The following CALN1 variants were observed in gnomAD, a reference collection of about 807,000 sequenced individuals.
CALN1 encodes calcium-binding protein 8.
In CALN1, 17 loss-of-function variants were observed where a neutral mutation model predicts 30.6. That is an observed-to-expected ratio of 0.56 (90% CI 0.38 to 0.83). The LOEUF (loss-of-function observed/expected upper bound fraction) is 0.83. CALN1 is among the 40% of genes least tolerant of loss of function. The probability of loss-of-function intolerance (pLI) is 0.00; values close to 1 mark genes in which losing one functional copy is unlikely to be tolerated. For synonymous variants in CALN1, 156 were observed against 131.4 expected (o/e 1.19, Z -1.28); for missense variants, 291 against 354.9 (o/e 0.82, Z 1.45).
chr7:71,805,312 T>G lies in CALN1; in HGVS notation c.658+5024A>C, dbSNP rs561512327. 7.9e-5 allele frequency among the ~76,000 whole-genome samples: 12 copies of G among 151,820 alleles called. No individual in the cohort carries two copies. In the South Asian group the frequency reaches 2.5e-3, roughly 32 times the overall value. On this transcript the variant is annotated intron_variant, in intron 6 of 6. Coordinates refer to ENST00000395275, the MANE Select transcript of CALN1 (RefSeq NM_031468.4). Reference sequence around the variant, plus strand: ...GAAAGAAATTCCTAGGGATGAGGGGTGGGTTAGCAAGAGTAGAGAAGACCT... The same window carrying G: ...GAAAGAAATTCCTAGGGATGAGGGGGGGGTTAGCAAGAGTAGAGAAGACCT...
intron 5 of CALN1, among the ~76,000 whole-genome samples, chr7:71,980,593 A>C (rs1174719216): frequency 6.6e-6 from 1 of 152,166 alleles, no homozygotes; most frequent in East Asian, 1.9e-4. Context: ...GTAACTCAGG[A>C]TCTAGCAGCA....
intron 5 of CALN1, among the ~76,000 whole-genome samples, chr7:71,941,020 C>T (rs559170805): frequency 6.6e-6 from 1 of 152,162 alleles, no homozygotes; most frequent in East Asian, 1.9e-4. Context: ...TAATAAAAGC[C>T]CCCCAAAATC....
At chr7:72,180,028 G>A (rs908694860) in intron 3 of CALN1, among the ~76,000 whole-genome samples, 1 of 152,138 alleles carries the variant, frequency 6.6e-6, no homozygotes, top group African/African-American at 2.4e-5. Flanking sequence ...AGGCACACAT[G>A]TTGCTTATCT....
chr7:72,284,153 G>A (rs1479803073), intron 2 of CALN1, among the ~76,000 whole-genome samples: 1 of 152,044 alleles, frequency 6.6e-6, no homozygotes, highest in East Asian at 1.9e-4. Context: ...ATTTTAGTCA[G>A]GCATGGTGGT....
At chr7:71,830,410 C>T (rs904547350) in intron 5 of CALN1, among the ~76,000 whole-genome samples, 5 of 149,868 alleles carry the variant, frequency 3.3e-5, no homozygotes, top group South Asian at 2.1e-4. Context: ...TGCGGTGGTG[C>T]GATCTCGGCT....
intron 2 of CALN1, among the ~76,000 whole-genome samples, chr7:72,393,003 A>C (rs555245418): frequency 1.1e-4 from 16 of 152,124 alleles, no homozygotes; most frequent in Non-Finnish European, 2.1e-4. Context: ...GTCACTTAAA[A>C]AAAAAATTAA....
chr7:71,877,389 T>C (rs1050967887), intron 5 of CALN1, among the ~76,000 whole-genome samples: 3 of 152,082 alleles, frequency 2.0e-5, no homozygotes, highest in East Asian at 1.9e-4. Flanking sequence ...AGTATAAACA[T>C]AGAAAGAAGA....
chr7:72,091,792 G>C (rs1033654524), intron 4 of CALN1, among the ~76,000 whole-genome samples: 6 of 152,156 alleles, frequency 3.9e-5, no homozygotes, highest in Non-Finnish European at 8.8e-5. Flanking sequence ...AAGGAATGCA[G>C]GTCTAGTCTT....
intron 4 of CALN1, among the ~76,000 whole-genome samples, chr7:72,030,783 G>A (rs2129531860): frequency 6.6e-6 from 1 of 150,894 alleles, no homozygotes; most frequent in East Asian, 1.9e-4. Flanking sequence ...GTCTTGCTCT[G>A]TCACCTAGGC....
intron 2 of CALN1, among the ~76,000 whole-genome samples, chr7:72,334,183 G>C (rs13438441): frequency 0.28 from 42,264 of 152,108 alleles, 6,786 homozygotes; most frequent in Non-Finnish European, 0.37. Context: ...TCTGAATTAA[G>C]AGGGTCTCCG....
chr7:71,810,412 G>C lies in CALN1; in HGVS notation c.582C>G (p.Asp194Glu). 6.2e-7 allele frequency: 1 copy of C among 1,614,094 alleles called. No homozygotes were observed. Among genetic ancestry groups the C allele is most frequent in the Non-Finnish European group, 8.5e-7 (1 of 1,180,000 alleles). ...CCTCATTGATAATGATGTTCTCAAT[G>C]TCCTTCATCGTTAGGTGGTCTCGGA... Reference protein sequence around the residue: ...HAFRDHLTMKDIENIIINEEE... With the variant: ...HAFRDHLTMKEIENIIINEEE... The change falls in exon 6 of 7, where the codon GAC (aspartate) becomes GAG (glutamate). Residue 194 changes from aspartate (D) to glutamate (E), a missense_variant. Physicochemically the swap from Asp to Glu is conservative, Grantham distance 45. Around this residue, in one of 2 missense-constraint regions of CALN1, gnomAD observed 169 missense variants for 251.7 expected, o/e 0.67. Transcript: ENST00000395275.
rs1232847147 is a variant in CALN1, at chr7:72,062,527, A to AG, written c.389-38759_389-38758insC. ...ACTCTATCTCAAAAAAAAAAAAAAA[A>AG]AAAGAAAAAAAATAAATAAATAAAA... On this transcript the variant is annotated intron_variant, in intron 4 of 6. Coordinates refer to ENST00000395275, the MANE Select transcript of CALN1 (RefSeq NM_031468.4). Among the ~76,000 whole-genome samples the AG allele has an allele frequency of 1.1e-4, 17 of 149,708 alleles. 1 individual carries two copies. The highest frequency in any genetic ancestry group is 8.3e-4 in the South Asian group (4 of 4,804).
intron 3 of CALN1, among the ~76,000 whole-genome samples, chr7:72,186,943 A>T (rs1790243421): frequency 1.6e-5 from 2 of 128,604 alleles, no homozygotes; most frequent in African/African-American, 5.9e-5. Context: ...GGGTTATATC[A>T]GCATTTTCTA....
At chr7:72,023,150 T>G (rs1043352359) in intron 5 of CALN1, among the ~76,000 whole-genome samples, 1 of 152,164 alleles carries the variant, frequency 6.6e-6, no homozygotes, top group Non-Finnish European at 1.5e-5. Context: ...ACTTTAATAA[T>G]TACAATGTTA....
chr7:72,098,764 G>GCGCACACACACA (rs1414936509), intron 4 of CALN1, among the ~76,000 whole-genome samples: 62 of 142,828 alleles, frequency 4.3e-4, no homozygotes, highest in African/African-American at 1.5e-3. Flanking sequence ...CATTTGGCGC[G>GCGCACACACACA]CACACACACA....
At chr7:72,364,317 A>G (rs909902244) in intron 2 of CALN1, among the ~76,000 whole-genome samples, 3 of 152,152 alleles carry the variant, frequency 2.0e-5, no homozygotes, top group African/African-American at 7.2e-5. Flanking sequence ...CAATATTTAC[A>G]GAGTCAAAAT....
chr7:71,990,359 A>G (rs1349360430), intron 5 of CALN1, among the ~76,000 whole-genome samples: 1 of 152,156 alleles, frequency 6.6e-6, no homozygotes, highest in Non-Finnish European at 1.5e-5. Context: ...ACTCATGAAT[A>G]ATCCATCCGT....
chr7:71,779,711 T>C lies in CALN1; in HGVS notation c.*8064A>G, dbSNP rs746071269. On this transcript the variant is annotated 3_prime_UTR_variant, in exon 7 of 7. Coordinates refer to ENST00000395275, the MANE Select transcript of CALN1 (RefSeq NM_031468.4). ...AATTTATATTAATATGTACATTTTA[T>C]ATAAAGATTCTTTTTTGACTAGTCT... 2.0e-5 allele frequency: 3 copies of C among 152,192 alleles called. No individual in the cohort carries two copies. Among genetic ancestry groups the C allele is most frequent in the Non-Finnish European group, 4.4e-5 (3 of 68,046 alleles). The allele number at this position is 152,192 out of a possible 1,614,324, so 9.4% of individuals were successfully genotyped here. A position where few individuals can be genotyped will look rare whatever the true frequency, so the allele number is the denominator to read the frequency against.
At chr7:71,883,975 G>A (rs111809863) in intron 5 of CALN1, among the ~76,000 whole-genome samples, 83 of 152,100 alleles carry the variant, frequency 5.5e-4, no homozygotes, top group African/African-American at 1.7e-3. Flanking sequence ...GTGAAGTGGC[G>A]CGATCTTGGC....
Sources: allele counts gnomAD v4.1 joint callset (sites outside exome capture counted in the v4.1 genomes callset), GRCh38; gene constraint gnomAD v4.1.1; regional missense constraint gnomAD v4.1.1; transcripts MANE v1.5; gene names NCBI Gene and HGNC (gene_info 2026-07-23, HGNC 2026-07-21).